OPRM1: variants seen among roughly 807,000 people sequenced by gnomAD.
The protein encoded by OPRM1 is mu-type opioid receptor.
A neutral mutation model predicts 31.8 loss-of-function variants in OPRM1; 27 were observed. The ratio of observed to expected loss-of-function variants is 0.85; its 90% confidence interval spans 0.63 to 1.17. The LOEUF (loss-of-function observed/expected upper bound fraction) is 1.17. Ranked by LOEUF, OPRM1 falls within the 50% of genes most tolerant of loss-of-function variation. The probability of loss-of-function intolerance (pLI) is 0.00; values close to 1 mark genes in which losing one functional copy is unlikely to be tolerated. For missense variants in OPRM1, 536 were observed against 511.1 expected (o/e 1.05, Z -0.47); for synonymous variants, 196 against 189.9 (o/e 1.03, Z -0.26).
intron 1 of OPRM1, among the ~76,000 whole-genome samples, chr6:154,078,681 G>A (rs150173455): frequency 3.5e-4 from 54 of 152,262 alleles, no homozygotes; most frequent in Non-Finnish European, 4.3e-4. Flanking sequence ...GACCAGCCTG[G>A]GCAACATGGC....
chr6:154,084,917 AACACACACACAC>A (rs71669485), intron 1 of OPRM1, among the ~76,000 whole-genome samples: 6 of 146,398 alleles, frequency 4.1e-5, no homozygotes, highest in Non-Finnish European at 7.6e-5. Flanking sequence ...TGTGGAATTA[AACACACACACAC>A]ACACACACAC....
chr6:154,083,245 G>T (rs1335535568), intron 1 of OPRM1, among the ~76,000 whole-genome samples: 2 of 152,038 alleles, frequency 1.3e-5, no homozygotes, highest in Non-Finnish European at 2.9e-5. Flanking sequence ...TCCAAAATAA[G>T]AATTTGAAGA....
At position 154,096,027 on chromosome 6, in the gene OPRM1, T is replaced by C. The variant is rs188678579; in HGVS notation, c.1164+4555T>C. 1.0e-3 allele frequency among the ~76,000 whole-genome samples: 156 copies of C among 152,222 alleles called. 1 individual carries two copies. The highest frequency in any genetic ancestry group is 0.01 in the Admixed American group (154 of 15,274). ...ACCCGCATCATATTATCTAATGCAT[T>C]TTCTTTTTGTTGTTATTGTTGTTGT... On this transcript the variant is annotated intron_variant, in intron 3 of 3. Transcript: ENST00000330432.
chr6:154,042,342 G>A (rs1780241982), intron 1 of OPRM1, among the ~76,000 whole-genome samples: 1 of 152,184 alleles, frequency 6.6e-6, no homozygotes, highest in African/African-American at 2.4e-5. Context: ...GTTCAGGGAT[G>A]TATTGTCCTT....
intron 3 of OPRM1, among the ~76,000 whole-genome samples, chr6:154,236,201 T>C (rs1562558742): frequency 6.6e-6 from 1 of 152,184 alleles, no homozygotes; most frequent in Non-Finnish European, 1.5e-5. Flanking sequence ...ATCAAGGGGA[T>C]AAGATTCAGC....
intron 3 of OPRM1, among the ~76,000 whole-genome samples, chr6:154,200,528 C>T (rs528183504): frequency 2.6e-4 from 39 of 152,158 alleles, no homozygotes; most frequent in African/African-American, 8.0e-4. Context: ...TGAGACCAGC[C>T]GGGCCAGTAT....
intron 3 of OPRM1, among the ~76,000 whole-genome samples, chr6:154,195,147 C>CTTTTTTTTT (rs10719288): frequency 1.6e-5 from 2 of 122,898 alleles, no homozygotes; most frequent in African/African-American, 3.1e-5. Flanking sequence ...TCTTTTCTTT[C>CTTTTTTTTT]TTTTTTTTTT....
chr6:154,186,171 T>TATCC (rs1416060727), intron 3 of OPRM1, among the ~76,000 whole-genome samples: 2 of 152,244 alleles, frequency 1.3e-5, no homozygotes, highest in African/African-American at 4.8e-5. Flanking sequence ...CAGACTCACA[T>TATCC]ATCCACACAG....
intron 3 of OPRM1, among the ~76,000 whole-genome samples, chr6:154,110,901 A>C: frequency 7.0e-6 from 1 of 142,508 alleles, no homozygotes; most frequent in Non-Finnish European, 1.6e-5. Context: ...AAAAAAAAAA[A>C]AAAAAAAAGA....
At chr6:154,019,915 G>A (rs1395988831) in intron 1 of OPRM1, among the ~76,000 whole-genome samples, 6 of 151,708 alleles carry the variant, frequency 4.0e-5, no homozygotes, top group Non-Finnish European at 7.4e-5. Context: ...TGTATTTTTT[G>A]TAGAGATGGG....
At chr6:154,162,910 C>T (rs1799139374) in intron 3 of OPRM1, among the ~76,000 whole-genome samples, 1 of 152,122 alleles carries the variant, frequency 6.6e-6, no homozygotes, top group Non-Finnish European at 1.5e-5. Context: ...TCTACATCCC[C>T]ACCCCACCAA....
chr6:154,156,945 C>T (rs933517139), intron 3 of OPRM1: 3 of 152,300 alleles, frequency 2.0e-5, no homozygotes, highest in Non-Finnish European at 4.4e-5. Context: ...TCTACGTGTG[C>T]TGAGAGATTC....
chr6:154,110,279 A>C, intron 3 of OPRM1: 3 of 748,810 alleles, frequency 4.0e-6, no homozygotes, highest in Non-Finnish European at 6.7e-6. Context: ...TAAATCATTG[A>C]ATTAAACTAT....
downstream of OPRM1, among the ~76,000 whole-genome samples, chr6:154,134,554 G>T (rs949832179): frequency 6.6e-6 from 1 of 152,066 alleles, no homozygotes; most frequent in Non-Finnish European, 1.5e-5. Flanking sequence ...CCAGGCCGAG[G>T]CAGGGAACCC....
intron 3 of OPRM1, chr6:154,246,553 T>C (rs750140444): frequency 1.9e-6 from 3 of 1,579,774 alleles, no homozygotes; most frequent in Admixed American, 3.6e-5. Flanking sequence ...TATCCCTCAT[T>C]AAAACGGCTG....
At chr6:154,199,147 G>C (rs1353259798) in intron 3 of OPRM1, among the ~76,000 whole-genome samples, 1 of 152,154 alleles carries the variant, frequency 6.6e-6, no homozygotes, top group Non-Finnish European at 1.5e-5. Flanking sequence ...ATATGTAAAG[G>C]TTCTAATGCT....
At chr6:154,079,540 A>G (rs1788629612) in intron 1 of OPRM1, among the ~76,000 whole-genome samples, 1 of 152,216 alleles carries the variant, frequency 6.6e-6, no homozygotes. Context: ...CAAGACTCAT[A>G]CACACTGGAG....
chr6:154,062,804 C>T (rs1784661725), intron 1 of OPRM1, among the ~76,000 whole-genome samples: 1 of 151,998 alleles, frequency 6.6e-6, no homozygotes, highest in Non-Finnish European at 1.5e-5. Flanking sequence ...TCAAAATATT[C>T]AGACATCAGC....
chr6:154,119,909 G>A lies in OPRM1; in HGVS notation c.*1188G>A, dbSNP rs150434225. 1.4e-3 allele frequency among the ~76,000 whole-genome samples: 217 copies of A among 152,252 alleles called. No individual in the cohort carries two copies. The highest frequency in any genetic ancestry group is 2.6e-3 in the Non-Finnish European group (176 of 67,996). ...TTGGTCTTTTTGATCTCTGCTAAAT[G>A]TCAAGATTTCCTTTGTAAAGTGTCG... On this transcript the variant is annotated 3_prime_UTR_variant, in exon 4 of 4. Coordinates refer to ENST00000330432, the MANE Select transcript of OPRM1 (RefSeq NM_000914.5).
Sources: gnomAD v4.1 joint callset for allele counts (sites outside exome capture counted in the v4.1 genomes callset) on GRCh38, gnomAD v4.1.1 for gene constraint, MANE v1.5 for transcripts, NCBI Gene and HGNC (gene_info 2026-07-23, HGNC 2026-07-21) for gene names.